Variants in EWSR1 observed in about 807,000 individuals in gnomAD.
EWSR1 encodes the protein EWS RNA binding protein 1.
In EWSR1, 14 loss-of-function variants were observed where a neutral mutation model predicts 92.1. That is an observed-to-expected ratio of 0.15 (90% CI 0.10 to 0.24). The LOEUF (loss-of-function observed/expected upper bound fraction) is 0.24. Among genes scored for constraint, EWSR1 ranks in the 10% least tolerant of loss-of-function variants. The pLI, the probability that EWSR1 is intolerant of heterozygous loss-of-function variation, is 1.00. For synonymous variants in EWSR1, 303 were observed against 292.9 expected (o/e 1.03, Z -0.35); for missense variants, 637 against 870.9 (o/e 0.73, Z 3.38).
chr22:29,274,152 A>G (rs959789399), intron 4 of EWSR1: 22 of 1,155,932 alleles, frequency 1.9e-5, no homozygotes, highest in Admixed American at 8.7e-5. Context: ...TAATGCTAAT[A>G]CTGAGTAAGA....
At position 29,272,201 on chromosome 22, in the gene EWSR1, CTTGTTTTCCTCT is replaced by C. The variant is rs1188836320; in HGVS notation, c.14-14_14-3del. 7 of 1,612,986 alleles carry C rather than the reference CTTGTTTTCCTCT, an allele frequency of 4.3e-6. No homozygotes were observed. Among genetic ancestry groups the C allele is most frequent in the Non-Finnish European group, 4.2e-6 (5 of 1,179,120 alleles). On this transcript the variant is annotated splice_region_variant and splice_polypyrimidine_tract_variant and intron_variant, in intron 1 of 16. Coordinates refer to ENST00000397938, the MANE Select transcript of EWSR1 (RefSeq NM_005243.4). ...TGCTAACTTTACACTATTTTTCCTCCTTGTTTTCCTCTAGATTACAGTACCTATAGCCAAGCT... is the reference window on the plus strand; with the variant it reads ...TGCTAACTTTACACTATTTTTCCTCCAGATTACAGTACCTATAGCCAAGCT...
chr22:29,284,828 T>G (rs892179979), intron 6 of EWSR1, among the ~76,000 whole-genome samples: 1 of 151,360 alleles, frequency 6.6e-6, no homozygotes, highest in African/African-American at 2.5e-5. Context: ...TGTTTTGTTT[T>G]GTTTTTTTGA....
At chr22:29,296,155 G>C (rs2060843048) in intron 11 of EWSR1, 84 bp from the exon 12 acceptor site, 4 of 1,390,056 alleles carry the variant, frequency 2.9e-6, no homozygotes, top group Middle Eastern at 2.5e-4. Context: ...TGAGAAATTG[G>C]TACTTTTCCT....
chr22:29,274,631 C>A (rs1302638643), intron 4 of EWSR1, among the ~76,000 whole-genome samples: 10 of 152,102 alleles, frequency 6.6e-5, no homozygotes, highest in Admixed American at 6.5e-5. Context: ...AGACTGCCAC[C>A]CTGCATGTAT....
intron 8 of EWSR1, chr22:29,289,813 G>C (rs2060314295): frequency 4.3e-6 from 1 of 231,130 alleles, no homozygotes; most frequent in South Asian, 1.8e-4. Flanking sequence ...TGCATATTCT[G>C]CATAACTTTA....
At chr22:29,272,353 A>G (rs1305131996) in intron 2 of EWSR1, 27 bp from the exon 3 acceptor site, 2 of 1,613,956 alleles carry the variant, frequency 1.2e-6, no homozygotes, top group South Asian at 1.1e-5. Context: ...TTCTCTATTC[A>G]AGTTATTGCA....
At chr22:29,291,095 T>A (rs1394774555) in intron 8 of EWSR1, 3 of 237,978 alleles carry the variant, frequency 1.3e-5, no homozygotes, top group Non-Finnish European at 2.5e-5. Flanking sequence ...TGTGGTTGTC[T>A]CCTGCTTTTA....
chr22:29,288,477 TCGTG>T, intron 7 of EWSR1, 125 bp from the exon 8 acceptor site: 1 of 797,902 alleles, frequency 1.3e-6, no homozygotes, highest in Non-Finnish European at 1.9e-6. Context: ...GGATGCTTTA[TCGTG>T]ATGTAAAGAA....
At chr22:29,287,245 G>A in intron 7 of EWSR1, 111 bp downstream of exon 7, 1 of 1,092,372 alleles carries the variant, frequency 9.2e-7, no homozygotes, top group Non-Finnish European at 1.3e-6. Flanking sequence ...TTTCACTCTT[G>A]GGGCTGAGGC....
At chr22:29,299,878 G>C (rs1040494096) in intron 16 of EWSR1, 27 bp downstream of exon 16, 6 of 1,531,444 alleles carry the variant, frequency 3.9e-6, no homozygotes, top group Non-Finnish European at 5.3e-6. Flanking sequence ...AGCAGCTGTG[G>C]GCCGCCAGGC....
chr22:29,275,018 T>C (rs1159511898), intron 4 of EWSR1, among the ~76,000 whole-genome samples: 1 of 152,218 alleles, frequency 6.6e-6, no homozygotes, highest in Admixed American at 6.5e-5. Context: ...GTCTGTAATT[T>C]ATCTCATTGA....
chr22:29,299,814 A>G lies in EWSR1; in HGVS notation c.1894A>G (p.Arg632Gly), dbSNP rs1602613649. The change falls in exon 16 of 17, where the codon AGA becomes GGA. Residue 632 changes from arginine (R) to glycine (G), a missense_variant. Around this residue, in one of 5 missense-constraint regions of EWSR1, gnomAD observed 363 missense variants for 447.8 expected, o/e 0.81. Transcript: ENST00000397938. The part of the protein sequence containing the change: ...PGPLMEQMGG[R>G]RGGRGGPGKM... Reference sequence around the variant, plus strand: ...ACCTTTGATGGAACAGATGGGAGGAAGAAGAGGAGGACGTGGAGGACCTGG... The same window carrying G: ...ACCTTTGATGGAACAGATGGGAGGAGGAAGAGGAGGACGTGGAGGACCTGG... The G allele has an allele frequency of 1.9e-6, 3 of 1,568,606 alleles. No individual in the cohort carries two copies. Among genetic ancestry groups the G allele is most frequent in the Admixed American group, 1.9e-5 (1 of 52,576 alleles).
intron 9 of EWSR1, 72 bp from the exon 10 acceptor site, chr22:29,292,065 G>C (rs987248849): frequency 6.1e-6 from 8 of 1,305,500 alleles, no homozygotes; most frequent in Non-Finnish European, 8.9e-6. Flanking sequence ...AGATAGCTAT[G>C]TGTGTTTGTA....
At chr22:29,299,907 T>C (rs2147859431) in intron 16 of EWSR1, 56 bp downstream of exon 16, 2 of 1,532,804 alleles carry the variant, frequency 1.3e-6, no homozygotes, top group Non-Finnish European at 1.8e-6. Flanking sequence ...AGGACAGCCC[T>C]TCCCAGCTTG....
At chr22:29,273,048 G>T (rs139687517) in intron 3 of EWSR1, among the ~76,000 whole-genome samples, 71 of 152,312 alleles carry the variant, frequency 4.7e-4, no homozygotes, top group Middle Eastern at 3.4e-3. Flanking sequence ...GATGTCTCTG[G>T]CAGATCTTAC....
intron 9 of EWSR1, 117 bp from the exon 10 acceptor site, chr22:29,292,020 G>T (rs375132121): frequency 2.2e-6 from 2 of 900,652 alleles, no homozygotes; most frequent in Non-Finnish European, 3.7e-6. Flanking sequence ...GGGTCATTTT[G>T]AGTTTAATGA....
intron 5 of EWSR1, among the ~76,000 whole-genome samples, chr22:29,281,860 T>C (rs921958880): frequency 7.9e-5 from 12 of 152,294 alleles, no homozygotes; most frequent in African/African-American, 2.6e-4. Flanking sequence ...GCTGGGATTA[T>C]AGGCATGAGC....
chr22:29,282,446 G>T lies in EWSR1; in HGVS notation c.470G>T (p.Gly157Val). 2 of 1,595,692 alleles carry T rather than the reference G, an allele frequency of 1.3e-6. No homozygotes were observed. The highest frequency in any genetic ancestry group is 1.7e-6 in the Non-Finnish European group (2 of 1,173,132). The change falls in exon 6 of 17, where the codon GGT becomes GTT. Residue 157 changes from glycine (G) to valine (V), a missense_variant. Coordinates refer to ENST00000397938, the MANE Select transcript of EWSR1 (RefSeq NM_005243.4). ...ETSQPQSSTG[G>V]YNQPSLGYGQ... ...AGTCAACCTCAATCTAGCACAGGGG[G>T]TTACAACCAGCCCAGCCTAGGATAT...
intron 4 of EWSR1, among the ~76,000 whole-genome samples, chr22:29,275,047 T>G (rs16987353): frequency 0.02 from 1,979 of 96,896 alleles, 54 homozygotes; most frequent in African/African-American, 0.075. Context: ...GTCCTGATTT[T>G]GATGGGAAGT....
Sources: allele counts gnomAD v4.1 joint callset (sites outside exome capture counted in the v4.1 genomes callset), GRCh38; gene constraint gnomAD v4.1.1; regional missense constraint gnomAD v4.1.1; transcripts MANE v1.5; gene names NCBI Gene and HGNC (gene_info 2026-07-23, HGNC 2026-07-21).